The following COL24A1 variants were observed in gnomAD, a reference collection of about 807,000 sequenced individuals.
The protein encoded by COL24A1 is collagen type XXIV alpha 1 chain, also known as collagen alpha-1(XXIV) chain.
In COL24A1, 224 loss-of-function variants were observed where a neutral mutation model predicts 253.9. The ratio of observed to expected loss-of-function variants is 0.88; its 90% CI spans 0.79 to 0.99. The LOEUF is 0.99. Among genes scored for constraint, COL24A1 ranks in the 50% least tolerant of loss-of-function variants. COL24A1 has a pLI of 0.00. For missense variants in COL24A1, 2,131 were observed against 2,068.5 expected (o/e 1.03, Z -0.59); for synonymous variants, 685 against 673.7 (o/e 1.02, Z -0.26).
intron 25 of COL24A1, among the ~76,000 whole-genome samples, chr1:85,910,664 A>G (rs1027070098): frequency 1.3e-5 from 2 of 151,996 alleles, no homozygotes; most frequent in Middle Eastern, 3.2e-3. Context: ...CAATAAGTAT[A>G]TATTAAGTAT....
At chr1:85,799,796 T>C (rs1171204770) in intron 47 of COL24A1, among the ~76,000 whole-genome samples, 2 of 152,214 alleles carry the variant, frequency 1.3e-5, no homozygotes, top group African/African-American at 4.8e-5. Flanking sequence ...ATCCTAATAT[T>C]CTAAGTATGC....
At chr1:85,924,710 T>C (rs1319554600) in intron 24 of COL24A1, among the ~76,000 whole-genome samples, 1 of 152,114 alleles carries the variant, frequency 6.6e-6, no homozygotes, top group African/African-American at 2.4e-5. Flanking sequence ...CCGCAGCCAA[T>C]ATCATACTGA....
chr1:85,904,909 G>T (rs749528423), intron 28 of COL24A1, among the ~76,000 whole-genome samples: 7 of 152,168 alleles, frequency 4.6e-5, no homozygotes, highest in Non-Finnish European at 1.0e-4. Flanking sequence ...TTGACAGGTT[G>T]CAGGGAATCA....
intron 2 of COL24A1, among the ~76,000 whole-genome samples, chr1:86,135,220 C>T (rs1292254391): frequency 6.6e-6 from 1 of 151,984 alleles, no homozygotes; most frequent in Non-Finnish European, 1.5e-5. Context: ...TCCTCCATCC[C>T]TTTATTTTGA....
intron 20 of COL24A1, among the ~76,000 whole-genome samples, chr1:85,976,369 C>T (rs1441522981): frequency 1.3e-5 from 2 of 152,104 alleles, no homozygotes; most frequent in Non-Finnish European, 2.9e-5. Flanking sequence ...ATGCTACCGG[C>T]TTTCCCCTAC....
chr1:86,079,534 A>G (rs187743815), intron 7 of COL24A1, among the ~76,000 whole-genome samples: 3 of 152,310 alleles, frequency 2.0e-5, no homozygotes, highest in Admixed American at 2.0e-4. Context: ...AAATAGGAGA[A>G]AATATTTGCA....
chr1:86,080,541 C>A (rs1230945718), intron 7 of COL24A1, among the ~76,000 whole-genome samples: 1 of 151,778 alleles, frequency 6.6e-6, no homozygotes, highest in East Asian at 1.9e-4. Context: ...ATGTCATGCA[C>A]CCCATGAATA....
intron 37 of COL24A1, among the ~76,000 whole-genome samples, chr1:85,857,572 C>G (rs1467800075): frequency 6.6e-6 from 1 of 151,886 alleles, no homozygotes; most frequent in African/African-American, 2.4e-5. Context: ...TACCCTGTCC[C>G]AATTAGCACA....
At chr1:85,934,093 A>G (rs555022679) in intron 24 of COL24A1, among the ~76,000 whole-genome samples, 7 of 152,330 alleles carry the variant, frequency 4.6e-5, no homozygotes, top group African/African-American at 1.7e-4. Flanking sequence ...CATTTCCAAG[A>G]AAGCTTATTT....
chr1:86,143,560 T>C (rs1651454751), intron 2 of COL24A1, among the ~76,000 whole-genome samples: 1 of 151,968 alleles, frequency 6.6e-6, no homozygotes, highest in Admixed American at 6.6e-5. Context: ...ATTGAGAGAA[T>C]AGAAGTAGGG....
At chr1:85,959,628 T>A (rs1031072151) in intron 24 of COL24A1, among the ~76,000 whole-genome samples, 1 of 152,112 alleles carries the variant, frequency 6.6e-6, no homozygotes, top group Admixed American at 6.5e-5. Flanking sequence ...TAATATGAAA[T>A]GTCACTTGGC....
intron 1 of COL24A1, among the ~76,000 whole-genome samples, chr1:86,153,395 G>A (rs1156284063): frequency 2.0e-5 from 3 of 152,174 alleles, no homozygotes; most frequent in Non-Finnish European, 1.5e-5. Context: ...TTGGAGCTCA[G>A]TAAACATGTG....
intron 19 of COL24A1, among the ~76,000 whole-genome samples, chr1:86,004,949 C>T (rs567638255): frequency 1.3e-4 from 20 of 152,172 alleles, no homozygotes; most frequent in Non-Finnish European, 2.4e-4. Flanking sequence ...ATATGTGAAA[C>T]TCAGGTGATA....
rs538648735 is a variant in COL24A1 at position 85,839,170 on chromosome 1, G to T, written c.3628-532C>A. Among the ~76,000 whole-genome samples the T allele has an allele frequency of 6.6e-5, 10 of 152,290 alleles. No homozygotes were observed. In the South Asian group the frequency reaches 2.1e-3, roughly 32 times the overall value. On this transcript the variant is annotated intron_variant, in intron 42 of 59. Coordinates refer to ENST00000370571, the MANE Select transcript of COL24A1 (RefSeq NM_152890.7). ...GTCATGTTTGCACCACTGCTCTCCA[G>T]CCTGGGCAACAGAGTGAGACCCTGT...
chr1:86,132,700 G>T lies in COL24A1; in HGVS notation c.122-6486C>A, dbSNP rs185731260. Among the ~76,000 whole-genome samples the T allele has an allele frequency of 8.5e-5, 13 of 152,126 alleles. No homozygotes were observed. The East Asian group carries it at 2.5e-3, about 29-fold the overall frequency. ...TAGATATGTGGCATTATGTCTGAGG[G>T]CTCTGTTCTGTTCCATTGGTCTATA... is the stretch of plus-strand genomic sequence containing the variant. On this transcript the variant is annotated intron_variant, in intron 2 of 59. Transcript: ENST00000370571.
At chr1:85,920,103 A>G (rs1686294632) in intron 24 of COL24A1, among the ~76,000 whole-genome samples, 1 of 152,238 alleles carries the variant, frequency 6.6e-6, no homozygotes, top group South Asian at 2.1e-4. Flanking sequence ...GGATATAGAG[A>G]TGAGTAAAAT....
chr1:85,787,701 G>A (rs1320821772), intron 47 of COL24A1, among the ~76,000 whole-genome samples: 2 of 152,112 alleles, frequency 1.3e-5, no homozygotes, highest in Admixed American at 6.6e-5. Flanking sequence ...ATGATAGAAT[G>A]ATATATATTG....
In COL24A1 at chr1:85,849,406, C is replaced by T. The variant is rs1393651629; in HGVS notation, c.3301G>A (p.Gly1101Arg). The change falls in exon 38 of 60, where the codon GGA (glycine) becomes AGA (arginine). Residue 1101 changes from glycine to arginine, a missense_variant and splice_region_variant. Gly to Arg is a moderately radical substitution (Grantham distance 125, BLOSUM62 -2). Coordinates refer to ENST00000370571, the MANE Select transcript of COL24A1 (RefSeq NM_152890.7). ...LGRSGQTGLPGPEGIVGIPGQ... is the reference protein window; with the variant it reads ...LGRSGQTGLPRPEGIVGIPGQ... Reference sequence around the variant, plus strand: ...GGAATTCCCACAATTCCTTCAGGTCCCTAAAATATTCAATATAAAAAAGGA... The same window carrying T: ...GGAATTCCCACAATTCCTTCAGGTCTCTAAAATATTCAATATAAAAAAGGA... 1.2e-6 allele frequency: 2 copies of T among 1,608,958 alleles called. No individual in the cohort carries two copies. The highest frequency in any genetic ancestry group is 1.7e-6 in the Non-Finnish European group (2 of 1,177,060).
chr1:85,837,261 GA>G (rs956183895), intron 43 of COL24A1, among the ~76,000 whole-genome samples: 9 of 150,536 alleles, frequency 6.0e-5, no homozygotes, highest in East Asian at 5.8e-4. Context: ...TTTGAAAACA[GA>G]AAAAAAAATG....
Sources: allele counts gnomAD v4.1 joint callset (sites outside exome capture counted in the v4.1 genomes callset), GRCh38; gene constraint gnomAD v4.1.1; transcripts MANE v1.5; gene names NCBI Gene and HGNC (gene_info 2026-07-23, HGNC 2026-07-21).